ALDH6A1: variants seen among roughly 807,000 people sequenced by gnomAD.
ALDH6A1 encodes methylmalonate-semialdehyde/malonate-semialdehyde dehydrogenase [acylating], mitochondrial.
ALDH6A1 carries 43 observed loss-of-function variants against 62.6 expected under a neutral mutation model. The observed-to-expected ratio is 0.69, with a 90% CI of 0.54 to 0.89. ALDH6A1 has a LOEUF of 0.89. Ranked by LOEUF, ALDH6A1 falls within the 40% of genes least tolerant of loss-of-function variation. The probability of loss-of-function intolerance (pLI) is 0.00; values close to 1 mark genes in which losing one functional copy is unlikely to be tolerated. For synonymous variants in ALDH6A1, 194 were observed against 234.2 expected (o/e 0.83, Z 1.57); for missense variants, 551 against 661.3 (o/e 0.83, Z 1.83).
In ALDH6A1 at chr14:74,057,539, C is replaced by G; in HGVS notation, c.*3103G>C. The G allele has an allele frequency of 6.0e-6, 8 of 1,338,932 alleles. No homozygotes were observed. The highest frequency in any genetic ancestry group is 7.7e-6 in the Non-Finnish European group (8 of 1,036,412). 82.9% of individuals were successfully genotyped at this position (1,338,932 alleles called of 1,614,324 possible). ...TAGCCAAAATGTGTACTATCTTTTA[C>G]GTAAGAGTAAACATAGTGACCTTGT... On this transcript the variant is annotated 3_prime_UTR_variant, in exon 12 of 12. Coordinates refer to ENST00000553458, the MANE Select transcript of ALDH6A1 (RefSeq NM_005589.4).
chr14:74,083,376 G>A (rs1336992468), intron 1 of ALDH6A1, among the ~76,000 whole-genome samples: 4 of 152,156 alleles, frequency 2.6e-5, no homozygotes, highest in Non-Finnish European at 5.9e-5. Context: ...CATGAACAGG[G>A]GAAAGACTAT....
intron 5 of ALDH6A1, 154 bp downstream of exon 5, chr14:74,071,740 GGA>G: frequency 6.9e-7 from 1 of 1,444,570 alleles, no homozygotes; most frequent in Non-Finnish European, 9.6e-7. Flanking sequence ...TCAGTCTTAG[GGA>G]TACTGAATAC....
chr14:74,067,599 C>CT, intron 7 of ALDH6A1, 30 bp from the exon 8 acceptor site: 1 of 1,609,582 alleles, frequency 6.2e-7, no homozygotes. Context: ...GCACATGAGT[C>CT]TTCCTTGGCC....
chr14:74,059,272 G>T lies in ALDH6A1; in HGVS notation c.*1370C>A, dbSNP rs536188704. The T allele has an allele frequency of 7.6e-6, 3 of 395,100 alleles. No individual in the cohort carries two copies. Among genetic ancestry groups the T allele is most frequent in the African/African-American group, 6.3e-5 (3 of 47,564 alleles). 24.5% of individuals were successfully genotyped at this position (395,100 alleles called of 1,614,324 possible). On this transcript the variant is annotated 3_prime_UTR_variant, in exon 12 of 12. Coordinates refer to ENST00000553458, the MANE Select transcript of ALDH6A1 (RefSeq NM_005589.4). ...AATTAGAAATACAGGCAAGAGAAAA[G>T]AATATATAAAATTTGGCAAGTAATA... is the stretch of plus-strand genomic sequence containing the variant.
chr14:74,078,360 C>CTT, intron 1 of ALDH6A1: 19 of 340,418 alleles, frequency 5.6e-5, no homozygotes, highest in Admixed American at 1.1e-4. Context: ...GAGGTATATA[C>CTT]TTTTTTTTTT....
chr14:74,061,567 C>T (rs2060342776), intron 11 of ALDH6A1, among the ~76,000 whole-genome samples: 1 of 148,442 alleles, frequency 6.7e-6, no homozygotes, highest in Admixed American at 6.7e-5. Context: ...CTCAGGTGAT[C>T]CGCCAGTCTT....
intron 1 of ALDH6A1, among the ~76,000 whole-genome samples, chr14:74,079,686 C>G (rs970731558): frequency 6.6e-6 from 1 of 152,104 alleles, no homozygotes; most frequent in Non-Finnish European, 1.5e-5. Context: ...CCCGCCTCAG[C>G]CTCCCAAAGT....
At chr14:74,068,642 C>T (rs1043340862) in intron 7 of ALDH6A1, among the ~76,000 whole-genome samples, 1 of 151,952 alleles carries the variant, frequency 6.6e-6, no homozygotes, top group Admixed American at 6.6e-5. Flanking sequence ...ACTCGGGAGG[C>T]TGAGGCAGGA....
intron 5 of ALDH6A1, 55 bp downstream of exon 5, chr14:74,071,841 C>T (rs1427747767): frequency 1.3e-6 from 2 of 1,578,742 alleles, no homozygotes; most frequent in African/African-American, 2.7e-5. Flanking sequence ...GCGATCTTTG[C>T]CTCCCATCTT....
At chr14:74,071,734 T>C (rs890367923) in intron 5 of ALDH6A1, 162 bp downstream of exon 5, 2 of 1,454,454 alleles carry the variant, frequency 1.4e-6, no homozygotes, top group East Asian at 2.4e-5. Context: ...AGTAAATCAG[T>C]CTTAGGGATA....
chr14:74,072,441 T>C (rs2139793393), intron 3 of ALDH6A1, 77 bp from the exon 4 acceptor site: 1 of 1,613,400 alleles, frequency 6.2e-7, no homozygotes, highest in East Asian at 2.2e-5. Flanking sequence ...GAAGTGGCAC[T>C]ATGTGCTTTA....
chr14:74,068,543 A>G (rs1473090293), intron 7 of ALDH6A1, among the ~76,000 whole-genome samples: 4 of 152,096 alleles, frequency 2.6e-5, no homozygotes, highest in African/African-American at 4.8e-5. Flanking sequence ...GATCGAAACC[A>G]TCCTGGCCAA....
rs147004133 is a variant in ALDH6A1 at position 74,064,870 on chromosome 14, G to C, written c.1455C>G (p.Thr485=). The C allele has an allele frequency of 1.9e-6, 3 of 1,614,014 alleles. No individual in the cohort carries two copies. The highest frequency in any genetic ancestry group is 2.5e-6 in the Non-Finnish European group (3 of 1,179,992). Residue 485 remains threonine, a synonymous_variant, in exon 11 of 12, where the codon ACC becomes ACG. Transcript: ENST00000553458. ...IPVPLPMFSF[T]GSRSSFRGDT... ...CTCCCCTGAAGGAGGATCGAGAGCC[G>C]GTGAATGAGAACATTGGCAAAGGCA... is the stretch of plus-strand genomic sequence containing the variant.
At chr14:74,072,444 G>A in intron 3 of ALDH6A1, 80 bp from the exon 4 acceptor site, 2 of 1,613,362 alleles carry the variant, frequency 1.2e-6, no homozygotes, top group South Asian at 2.2e-5. Flanking sequence ...GTGGCACTAT[G>A]TGCTTTACAA....
chr14:74,064,297 C>CA (rs368051564), intron 11 of ALDH6A1, among the ~76,000 whole-genome samples: 21,732 of 126,730 alleles, frequency 0.17, 2,338 homozygotes, highest in African/African-American at 0.3. Flanking sequence ...GACTGTGTCT[C>CA]AAAAAAAAAA....
At chr14:74,081,130 T>C (rs1284281628) in intron 1 of ALDH6A1, 1 of 152,260 alleles carries the variant, frequency 6.6e-6, no homozygotes, top group Non-Finnish European at 1.5e-5. Flanking sequence ...GGTAAGCAGC[T>C]GATTGTGAAG....
intron 7 of ALDH6A1, among the ~76,000 whole-genome samples, chr14:74,067,819 G>A (rs1010250891): frequency 1.3e-5 from 2 of 152,044 alleles, no homozygotes; most frequent in African/African-American, 4.8e-5. Flanking sequence ...CAGCTACTTG[G>A]GAAGCTGAGG....
Position 74,067,448 on chromosome 14 carries a change from A to T in ALDH6A1, c.974T>A (p.Leu325His). Residue 325 changes from leucine (L) to histidine (H), a missense_variant, in exon 8 of 12, where the codon CTT becomes CAT. Leu to His is a moderately conservative substitution (Grantham distance 99, BLOSUM62 -3). Coordinates refer to ENST00000553458, the MANE Select transcript of ALDH6A1 (RefSeq NM_005589.4). ...CAGCCACTTCTTGGCTTCTCCCACA[A>T]GGACTGCTGTTGAAAGAGCCATGCA... Reference protein sequence around the residue: ...QRCMALSTAVLVGEAKKWLPE... With the variant: ...QRCMALSTAVHVGEAKKWLPE... 6.2e-7 allele frequency: 1 copy of T among 1,614,184 alleles called. No homozygotes were observed. Among genetic ancestry groups the T allele is most frequent in the Non-Finnish European group, 8.5e-7 (1 of 1,180,042 alleles).
At chr14:74,080,519 G>A (rs1414252298) in intron 1 of ALDH6A1, among the ~76,000 whole-genome samples, 1 of 151,662 alleles carries the variant, frequency 6.6e-6, no homozygotes, top group Non-Finnish European at 1.5e-5. Context: ...AGGTGCACAC[G>A]ACCTCGCTCT....
Sources: allele counts gnomAD v4.1 joint callset (sites outside exome capture counted in the v4.1 genomes callset), GRCh38; gene constraint gnomAD v4.1.1; transcripts MANE v1.5; gene names NCBI Gene and HGNC (gene_info 2026-07-23, HGNC 2026-07-21).